The following ABCC5 variants were observed in gnomAD, a reference collection of about 807,000 sequenced individuals.
ABCC5 encodes ATP binding cassette subfamily C member 5.
Under a neutral mutation model 160.9 loss-of-function variants are expected in ABCC5, and 61 were observed. The observed-to-expected ratio is 0.38, with a 90% CI of 0.31 to 0.47. The LOEUF (loss-of-function observed/expected upper bound fraction) is 0.47. Ranked by LOEUF, ABCC5 falls within the 20% of genes least tolerant of loss-of-function variation. ABCC5 has a pLI of 0.99. For missense variants in ABCC5, 1,308 were observed against 1,813.3 expected, an observed-to-expected ratio of 0.72 and a Z score of 5.06; for synonymous variants, 666 against 700.6, an observed-to-expected ratio of 0.95 and a Z score of 0.78.
At chr3:183,942,996 C>T in intron 24 of ABCC5, 80 bp from the exon 25 acceptor site, 2 of 1,435,476 alleles carry the variant, frequency 1.4e-6, no homozygotes, top group Non-Finnish European at 1.9e-6. Flanking sequence ...GAAATAAAAC[C>T]AGGACAACCA....
chr3:183,965,560 C>T (rs928205030), intron 12 of ABCC5, 59 bp from the exon 13 acceptor site: 19 of 1,597,274 alleles, frequency 1.2e-5, no homozygotes, highest in African/African-American at 4.0e-5. Flanking sequence ...CCTATGCCAA[C>T]GGAACCCCCA....
Position 183,937,950 on chromosome 3 carries a change from T to C in ABCC5, c.3805A>G (p.Lys1269Glu). ...GGCTCTTGAGGAATGATAGAGAGTT[T>C]GCTTCGGAGGTCGGCAAGGCCAATA... ...SDIGLADLRS[K>E]LSIIPQEPVL... Residue 1269 changes from lysine to glutamate, a missense_variant, in exon 26 of 30, where the codon AAA becomes GAA. Physicochemically the swap from Lys to Glu is moderately conservative, Grantham distance 56. This residue lies in a region of ABCC5 where 163 missense variants were observed against 269.7 expected (regional missense o/e 0.60). Transcript: ENST00000334444. 6.2e-7 allele frequency: 1 copy of C among 1,614,226 alleles called. No homozygotes were observed. Among genetic ancestry groups the C allele is most frequent in the Non-Finnish European group, 8.5e-7 (1 of 1,180,038 alleles).
chr3:183,929,364 C>T (rs1439019590), intron 26 of ABCC5, among the ~76,000 whole-genome samples: 2 of 152,116 alleles, frequency 1.3e-5, no homozygotes, highest in Non-Finnish European at 2.9e-5. Context: ...ACCCAGGAGG[C>T]AGTGGTTGCA....
intron 2 of ABCC5, among the ~76,000 whole-genome samples, chr3:183,995,151 TA>T (rs879763205): frequency 1.8e-4 from 28 of 152,240 alleles, no homozygotes; most frequent in Non-Finnish European, 3.4e-4. Flanking sequence ...TTTTTTTTTT[TA>T]TTATTGAGTT....
chr3:184,000,259 G>A (rs1458699666), intron 2 of ABCC5, among the ~76,000 whole-genome samples: 1 of 151,820 alleles, frequency 6.6e-6, no homozygotes, highest in Non-Finnish European at 1.5e-5. Context: ...TGGGAGGATC[G>A]CTTGAGCCAG....
In ABCC5 at chr3:183,982,490, G is replaced by A. The variant is rs375266303; in HGVS notation, c.960C>T (p.Phe320=). Residue 320 remains phenylalanine (F), a synonymous_variant, in exon 7 of 30, where the codon TTC becomes TTT. Transcript: ENST00000334444. This position sits in a 1 kb window ranked among gnomAD's most constrained non-coding sequence, Gnocchi z 5.2. Reference sequence around the variant, plus strand: ...AGAGGATAAAAACAGCTGATCCCAGGAAGCCTGTTGGTCCCAGAATAATTA... The same window carrying A: ...AGAGGATAAAAACAGCTGATCCCAGAAAGCCTGTTGGTCCCAGAATAATTA... ...YNVIILGPTG[F]LGSAVFILFY... 7.4e-6 allele frequency: 12 copies of A among 1,614,020 alleles called. No individual in the cohort carries two copies. Among genetic ancestry groups the A allele is most frequent in the African/African-American group, 1.3e-5 (1 of 74,926 alleles).
rs1233702326 is a variant in ABCC5, at chr3:183,982,002, G to A, written c.1000-128C>T. ...CTTGCTAGGATGGGCCAAATGTTATGTAATCGTACTGTCTTTAATAAAAGT... is the reference window on the plus strand; with the variant it reads ...CTTGCTAGGATGGGCCAAATGTTATATAATCGTACTGTCTTTAATAAAAGT... On this transcript the variant is annotated intron_variant, in intron 7 of 29. Transcript: ENST00000334444. The surrounding 1 kb of genome is among the most constrained non-coding windows in gnomAD (Gnocchi z 5.2). The A allele has an allele frequency of 1.1e-6, 1 of 942,848 alleles. No homozygotes were observed. The highest frequency in any genetic ancestry group is 1.5e-6 in the Non-Finnish European group (1 of 646,140). 58.4% of individuals were successfully genotyped at this position (942,848 alleles called of 1,614,324 possible). A position where few individuals can be genotyped will look rare whatever the true frequency, so the allele number is the denominator to read the frequency against.
rs754467425 is a variant in ABCC5, at chr3:183,989,265, T to C, written c.248A>G (p.His83Arg). 3.7e-6 allele frequency: 6 copies of C among 1,612,244 alleles called. No homozygotes were observed. The highest frequency in any genetic ancestry group is 5.1e-6 in the Non-Finnish European group (6 of 1,179,276). The change falls in exon 3 of 30, where the codon CAT (histidine) becomes CGT (arginine). Residue 83 changes from histidine to arginine, a missense_variant. His to Arg is a conservative substitution (Grantham distance 29). Transcript: ENST00000334444. ...GATGGGCTTCAGAGCACTCAAGCCA[T>C]GATGGTACTTTCCCTTGGGATGCTC... ...DEEHPKGKYH[H>R]GLSALKPIRT...
intron 23 of ABCC5, 104 bp from the exon 24 acceptor site, chr3:183,946,043 C>T: frequency 9.4e-7 from 1 of 1,060,626 alleles, no homozygotes; most frequent in South Asian, 1.3e-5. Context: ...GAACTGAGCA[C>T]ATGCAGCAGC....
At chr3:183,935,018 T>C (rs1344317001) in intron 26 of ABCC5, among the ~76,000 whole-genome samples, 1 of 152,030 alleles carries the variant, frequency 6.6e-6, no homozygotes, top group Non-Finnish European at 1.5e-5. Context: ...AGCCAAATAT[T>C]GTAAGGCCAA....
At chr3:183,994,672 C>T (rs374224108) in intron 2 of ABCC5, among the ~76,000 whole-genome samples, 3 of 152,174 alleles carry the variant, frequency 2.0e-5, no homozygotes, top group African/African-American at 4.8e-5. Flanking sequence ...CCGCACCTGG[C>T]CAGTATTGGC....
intron 10 of ABCC5, among the ~76,000 whole-genome samples, chr3:183,975,005 G>A (rs559206511): frequency 3.3e-5 from 5 of 152,266 alleles, no homozygotes; most frequent in South Asian, 2.1e-4. Flanking sequence ...CTGCAACATC[G>A]TCAGTGAGTT....
intron 2 of ABCC5, chr3:184,009,783 TA>T (rs1290249277): frequency 4.5e-6 from 1 of 223,302 alleles, no homozygotes; most frequent in Non-Finnish European, 9.4e-6. Context: ...GAGAGTAGAA[TA>T]AAAGAAATCT....
At chr3:184,015,906 G>T (rs1209555505) in intron 1 of ABCC5, among the ~76,000 whole-genome samples, 1 of 152,202 alleles carries the variant, frequency 6.6e-6, no homozygotes, top group Non-Finnish European at 1.5e-5. Context: ...CCCTTCAAGG[G>T]TTCCCTAGCT....
intron 2 of ABCC5, among the ~76,000 whole-genome samples, chr3:183,993,775 A>C (rs2108880992): frequency 6.6e-6 from 1 of 152,304 alleles, no homozygotes; most frequent in East Asian, 1.9e-4. Context: ...TTAAGTGTAT[A>C]GAATTCAGAG....
chr3:183,965,837 G>A lies in ABCC5; in HGVS notation c.1834-336C>T, dbSNP rs148241201. 9.9e-4 allele frequency among the ~76,000 whole-genome samples: 151 copies of A among 152,238 alleles called. 2 individuals carry two copies. The East Asian group carries it at 0.025, about 25-fold the overall frequency. On this transcript the variant is annotated intron_variant, in intron 12 of 29. Coordinates refer to ENST00000334444, the MANE Select transcript of ABCC5 (RefSeq NM_005688.4). ...TTCTCCTGGAGAGGATGCTGTAGGG[G>A]TTTCCAGCTAATCCCTGCCTCAACA... is the stretch of plus-strand genomic sequence containing the variant.
At chr3:184,010,680 A>G (rs924084959) in intron 2 of ABCC5, 2 of 152,596 alleles carry the variant, frequency 1.3e-5, no homozygotes, top group African/African-American at 2.4e-5. Context: ...CTATGTGGAC[A>G]CACTAAAGGC....
chr3:183,971,610 G>A lies in ABCC5; in HGVS notation c.1714C>T (p.Leu572=), dbSNP rs1192296314. Residue 572 remains leucine, a synonymous_variant, in exon 11 of 30, where the codon CTG becomes TTG. Coordinates refer to ENST00000334444, the MANE Select transcript of ABCC5 (RefSeq NM_005688.4). Reference sequence around the variant, plus strand: ...CTGTGCAGTGTCCTCTGTAAGCGCAGGTGGCCCAGGTGGATGTGCTTGCCT... The same window carrying A: ...CTGTGCAGTGTCCTCTGTAAGCGCAAGTGGCCCAGGTGGATGTGCTTGCCT... ...EEGKHIHLGH[L]RLQRTLHSID... 6 of 1,614,148 alleles carry A rather than the reference G, an allele frequency of 3.7e-6. No homozygotes were observed. The highest frequency in any genetic ancestry group is 1.1e-5 in the South Asian group (1 of 91,082).
chr3:183,940,462 G>GAA (rs537025178), intron 25 of ABCC5, among the ~76,000 whole-genome samples: 2,997 of 64,626 alleles, frequency 0.046, 418 homozygotes, highest in African/African-American at 0.16. Context: ...TCTGTCTCAG[G>GAA]AAAAAAAAAA....
Sources: allele counts gnomAD v4.1 joint callset (sites outside exome capture counted in the v4.1 genomes callset), GRCh38; gene constraint gnomAD v4.1.1; regional missense constraint gnomAD v4.1.1; non-coding constraint Gnocchi (gnomAD v3.1); transcripts MANE v1.5; gene names NCBI Gene and HGNC (gene_info 2026-07-23, HGNC 2026-07-21).